Variants in SGCD observed in about 807,000 individuals in gnomAD.
SGCD encodes sarcoglycan delta.
SGCD carries 18 observed loss-of-function variants against 36.6 expected under a neutral mutation model. That is an observed-to-expected ratio of 0.49 (90% CI 0.34 to 0.73). The LOEUF (loss-of-function observed/expected upper bound fraction) is 0.73, where lower values mean the gene tolerates loss of function less well. SGCD is among the 30% of genes least tolerant of loss of function. The pLI, the probability that SGCD is intolerant of heterozygous loss-of-function variation, is 0.01. For synonymous variants in SGCD, 133 were observed against 130.6 expected (o/e 1.02, Z -0.12); for missense variants, 387 against 346.7 (o/e 1.12, Z -0.92).
chr5:156,444,064 T>TTCTCTCTCTCTCTCTC (rs535098783), intron 3 of SGCD, among the ~76,000 whole-genome samples: 7 of 34,500 alleles, frequency 2.0e-4, no homozygotes, highest in African/African-American at 4.1e-4. Flanking sequence ...CTTTCTCTCC[T>TTCTCTCTCTCTCTCTC]TCTCTCTCTC....
chr5:156,709,317 T>C, intron 7 of SGCD, among the ~76,000 whole-genome samples: 1 of 151,990 alleles, frequency 6.6e-6, no homozygotes, highest in East Asian at 1.9e-4. Context: ...TATCTTGGAG[T>C]TTGACTAAAA....
intron 3 of SGCD, among the ~76,000 whole-genome samples, chr5:156,462,948 T>C (rs1454433124): frequency 6.6e-6 from 1 of 152,186 alleles, no homozygotes; most frequent in Non-Finnish European, 1.5e-5. Flanking sequence ...TAATATGAAT[T>C]CTGATGAATT....
rs568253353 is a variant in SGCD at position 156,136,339 on chromosome 5, C to T, written c.-44+12320C>T. On this transcript the variant is annotated intron_variant, in intron 3 of 9. Coordinates refer to the SGCD transcript ENST00000517913. ...AATTGCTGAGGCTGTTCTTGAGCTC[C>T]TGCTCACAAGCAGTCTCCTACCTCG... Among the ~76,000 whole-genome samples, 13 of 152,330 alleles carry T rather than the reference C, an allele frequency of 8.5e-5. No individual in the cohort carries two copies. The East Asian group carries it at 2.3e-3, about 27-fold the overall frequency.
At chr5:156,302,535 A>G (rs62380676) in intron 3 of SGCD, among the ~76,000 whole-genome samples, 13,755 of 151,998 alleles carry the variant, frequency 0.09, 794 homozygotes, top group Non-Finnish European at 0.12. Context: ...TATTTTGTTT[A>G]GTGAGGTCAT....
chr5:156,156,507 C>A (rs573705298), intron 3 of SGCD, among the ~76,000 whole-genome samples: 1 of 151,538 alleles, frequency 6.6e-6, no homozygotes, highest in East Asian at 1.9e-4. Flanking sequence ...GCCAGTAGTC[C>A]CAACTACTTA....
rs1229174444 is a variant in SGCD at position 156,229,286 on chromosome 5, A to ATATATATATATATATATGTGTG, written c.-43-100234_-43-100233insTATGTGTGTATATATATATATA. Among the ~76,000 whole-genome samples the ATATATATATATATATATGTGTG allele has an allele frequency of 2.4e-3, 264 of 110,410 alleles. 15 individuals are homozygous for ATATATATATATATATATGTGTG. The highest frequency in any genetic ancestry group is 0.01 in the African/African-American group (250 of 24,600). 72.4% of individuals were successfully genotyped at this position (110,410 alleles called of 152,430 possible). A position where few individuals can be genotyped will look rare whatever the true frequency, so the allele number is the denominator to read the frequency against. On this transcript the variant is annotated intron_variant, in intron 3 of 9. Coordinates refer to the SGCD transcript ENST00000517913. ...CATATATATATACATACATATATAT[A>ATATATATATATATATATGTGTG]TATATATATATATAAAATTAGTTCT...
intron 1 of SGCD, among the ~76,000 whole-genome samples, chr5:156,042,189 T>A (rs1165489421): frequency 6.8e-6 from 1 of 147,636 alleles, no homozygotes; most frequent in Non-Finnish European, 1.5e-5. Flanking sequence ...AAATAGGTAT[T>A]TTTTTTTTTT....
chr5:155,884,158 C>T (rs2116739), intron 1 of SGCD, among the ~76,000 whole-genome samples: 65,406 of 152,006 alleles, frequency 0.43, 15,929 homozygotes, highest in African/African-American at 0.65. Flanking sequence ...TGACACCTAA[C>T]GATGATGAAT....
intron 4 of SGCD, among the ~76,000 whole-genome samples, chr5:156,558,424 C>A (rs899530719): frequency 1.3e-5 from 2 of 152,036 alleles, no homozygotes; most frequent in African/African-American, 4.8e-5. Context: ...AAACAAAATT[C>A]AACTCCTTGT....
At position 156,344,627 on chromosome 5, in the gene SGCD, G is replaced by C. The variant is rs556208970; in HGVS notation, c.142G>C (p.Val48Leu). ...CCTGCTCCTCATGATTTTAATACTG[G>C]TGAACTTGGCCATGACCATCTGGAT... ...FVLLLMILIL[V>L]NLAMTIWILK... is the part of the protein sequence containing the mutation. The change falls in exon 3 of 9, where the codon GTG (valine) becomes CTG (leucine). Residue 48 changes from valine (V) to leucine (L), a missense_variant. Coordinates refer to ENST00000337851, the MANE Select transcript of SGCD (RefSeq NM_000337.6). 2.5e-6 allele frequency: 4 copies of C among 1,611,702 alleles called. No homozygotes were observed. In the East Asian group the frequency reaches 8.9e-5, roughly 36 times the overall value.
At chr5:155,776,057 T>C in the SGCD span, among the ~76,000 whole-genome samples, 1 of 152,208 alleles carries the variant, frequency 6.6e-6, no homozygotes, top group South Asian at 2.1e-4. Flanking sequence ...GGATGTTAAC[T>C]AGCTTCTGAC....
chr5:155,954,993 T>C (rs1359724615), intron 1 of SGCD, among the ~76,000 whole-genome samples: 1 of 152,158 alleles, frequency 6.6e-6, no homozygotes, highest in African/African-American at 2.4e-5. Flanking sequence ...GTCTGAAAAC[T>C]GGCAAAGACC....
intron 1 of SGCD, among the ~76,000 whole-genome samples, chr5:155,895,101 A>AG (rs774308923): frequency 6.6e-6 from 1 of 152,174 alleles, no homozygotes; most frequent in East Asian, 1.9e-4. Flanking sequence ...CTGCCACTGG[A>AG]GGGATACAGC....
At chr5:156,624,126 G>A (rs1299940589) in intron 6 of SGCD, among the ~76,000 whole-genome samples, 1 of 152,126 alleles carries the variant, frequency 6.6e-6, no homozygotes, top group Non-Finnish European at 1.5e-5. Context: ...ATATCCCAGA[G>A]AATTAATTGC....
At chr5:156,504,570 T>C (rs562374291) in intron 3 of SGCD, among the ~76,000 whole-genome samples, 1 of 152,218 alleles carries the variant, frequency 6.6e-6, no homozygotes, top group South Asian at 2.1e-4. Flanking sequence ...ATATTCCCTA[T>C]AGTGTGTTCA....
chr5:155,912,291 C>T (rs1376063943), intron 1 of SGCD, among the ~76,000 whole-genome samples: 1 of 152,058 alleles, frequency 6.6e-6, no homozygotes, highest in Non-Finnish European at 1.5e-5. Context: ...ATGGTAGATG[C>T]ATTAACAAGC....
intron 3 of SGCD, among the ~76,000 whole-genome samples, chr5:156,301,617 A>T (rs565487091): frequency 3.9e-5 from 6 of 152,180 alleles, no homozygotes; most frequent in Non-Finnish European, 7.4e-5. Flanking sequence ...GTACTGTCAC[A>T]TGATTTCTTA....
rs1313632805 is a variant in SGCD, at chr5:156,044,244, G to T, written c.-281-73634G>T. Reference sequence around the variant, plus strand: ...AGGGAGTGAAATGTTCAAGCCTAGGGCTTTGAGCACATTAGATGCTCAACA... The same window carrying T: ...AGGGAGTGAAATGTTCAAGCCTAGGTCTTTGAGCACATTAGATGCTCAACA... On this transcript the variant is annotated intron_variant, in intron 1 of 9. Coordinates refer to the SGCD transcript ENST00000517913. Among the ~76,000 whole-genome samples, 3 of 152,200 alleles carry T rather than the reference G, an allele frequency of 2.0e-5. No homozygotes were observed. In the South Asian group the frequency reaches 6.2e-4, roughly 32 times the overall value.
intron 3 of SGCD, among the ~76,000 whole-genome samples, chr5:156,421,910 C>T (rs1381743388): frequency 2.0e-5 from 3 of 151,982 alleles, no homozygotes; most frequent in Admixed American, 6.6e-5. Context: ...GTGTGCCCTC[C>T]GGAAATTACA....
Sources: gnomAD v4.1 joint callset for allele counts (sites outside exome capture counted in the v4.1 genomes callset) on GRCh38, gnomAD v4.1.1 for gene constraint, MANE v1.5 for transcripts, NCBI Gene and HGNC (gene_info 2026-07-23, HGNC 2026-07-21) for gene names.